SLC10A7: variants seen among roughly 807,000 people sequenced by gnomAD.
SLC10A7 encodes solute carrier family 10 member 7, also known as sodium/bile acid cotransporter 7.
Under a neutral mutation model 43.2 loss-of-function variants are expected in SLC10A7, and 29 were observed. The ratio of observed to expected loss-of-function variants is 0.67; its 90% confidence interval spans 0.50 to 0.92. The LOEUF is 0.92. SLC10A7 is among the 40% of genes least tolerant of loss of function. The probability of loss-of-function intolerance (pLI) is 0.00; values close to 1 mark genes in which losing one functional copy is unlikely to be tolerated. For missense variants in SLC10A7, 295 were observed against 403.2 expected (o/e 0.73, Z 2.30); for synonymous variants, 152 against 144.8 (o/e 1.05, Z -0.35).
chr4:146,279,246 C>T (rs867472107), intron 10 of SLC10A7, among the ~76,000 whole-genome samples: 1 of 152,144 alleles, frequency 6.6e-6, no homozygotes, highest in Non-Finnish European at 1.5e-5. Flanking sequence ...AACTTAAGGA[C>T]CTCAAATGTC....
At chr4:146,458,645 G>A (rs1262308117) in intron 4 of SLC10A7, among the ~76,000 whole-genome samples, 2 of 151,794 alleles carry the variant, frequency 1.3e-5, no homozygotes, top group African/African-American at 4.8e-5. Context: ...CCTATCCTCT[G>A]CTATCTGGAA....
At chr4:146,265,198 G>A (rs1372989422) in intron 10 of SLC10A7, among the ~76,000 whole-genome samples, 2 of 152,210 alleles carry the variant, frequency 1.3e-5, no homozygotes, top group African/African-American at 4.8e-5. Context: ...ATTAAAAGAT[G>A]AGGAAACTGA....
chr4:146,380,061 T>C (rs1475638092), intron 5 of SLC10A7, among the ~76,000 whole-genome samples: 1 of 151,808 alleles, frequency 6.6e-6, no homozygotes, highest in African/African-American at 2.4e-5. Flanking sequence ...CTGAGGAAAA[T>C]CTAATACCCA....
chr4:146,342,562 TTACCAGTAAATTTTAATAATAG>T (rs1170260110), intron 5 of SLC10A7, among the ~76,000 whole-genome samples: 5 of 151,686 alleles, frequency 3.3e-5, no homozygotes, highest in African/African-American at 1.2e-4. Context: ...GTGAATTTTT[TTACCAGTAAATTTTAATAATAG>T]TACTATTATT....
intron 7 of SLC10A7, 72 bp downstream of exon 7, chr4:146,305,854 C>T: frequency 7.6e-7 from 1 of 1,315,062 alleles, no homozygotes; most frequent in Non-Finnish European, 1.0e-6. Flanking sequence ...TTTCTCTCAA[C>T]TGCTCTGACA....
intron 4 of SLC10A7, among the ~76,000 whole-genome samples, chr4:146,497,025 T>G (rs1342153719): frequency 6.6e-6 from 1 of 152,228 alleles, no homozygotes; most frequent in African/African-American, 2.4e-5. Flanking sequence ...ATATGTGTTT[T>G]ACACCCTTTT....
intron 9 of SLC10A7, among the ~76,000 whole-genome samples, chr4:146,290,639 C>T (rs182871880): frequency 6.6e-5 from 10 of 152,146 alleles, no homozygotes; most frequent in African/African-American, 2.4e-4. Context: ...GTGGGAGAAT[C>T]ACTTGAGGCC....
chr4:146,392,597 T>C (rs1488501978), intron 5 of SLC10A7, among the ~76,000 whole-genome samples: 2 of 152,180 alleles, frequency 1.3e-5, no homozygotes, highest in Non-Finnish European at 2.9e-5. Flanking sequence ...ATGTCACTCA[T>C]TGTTGTCCCA....
At chr4:146,267,896 T>C (rs1340120032) in intron 10 of SLC10A7, among the ~76,000 whole-genome samples, 1 of 152,134 alleles carries the variant, frequency 6.6e-6, no homozygotes, top group Non-Finnish European at 1.5e-5. Flanking sequence ...ACAAACCCCC[T>C]TTGCTAGAGC....
chr4:146,475,540 C>T (rs1253185641), intron 4 of SLC10A7, among the ~76,000 whole-genome samples: 1 of 152,172 alleles, frequency 6.6e-6, no homozygotes, highest in Non-Finnish European at 1.5e-5. Flanking sequence ...GAGCAACATG[C>T]TACGCACTGG....
chr4:146,349,896 T>C (rs1278690185), intron 5 of SLC10A7, among the ~76,000 whole-genome samples: 1 of 152,116 alleles, frequency 6.6e-6, no homozygotes, highest in Non-Finnish European at 1.5e-5. Context: ...GCTCACTATC[T>C]GGGTAATGAG....
intron 5 of SLC10A7, among the ~76,000 whole-genome samples, chr4:146,382,821 T>A (rs1737725359): frequency 6.6e-6 from 1 of 152,098 alleles, no homozygotes; most frequent in Admixed American, 6.6e-5. Context: ...ATATCTAGTT[T>A]TGTATATGAG....
chr4:146,396,980 A>T (rs543574334), intron 5 of SLC10A7, among the ~76,000 whole-genome samples: 1 of 152,302 alleles, frequency 6.6e-6, no homozygotes, highest in African/African-American at 2.4e-5. Flanking sequence ...CGGCTTTTAC[A>T]GGCCATTAAT....
Position 146,298,226 on chromosome 4 carries a change from C to T in SLC10A7, c.556-4131G>A, listed in dbSNP as rs1295923129. 5.9e-5 allele frequency among the ~76,000 whole-genome samples: 9 copies of T among 152,070 alleles called. 1 individual carries two copies. The East Asian group carries it at 7.7e-4, about 13-fold the overall frequency. On this transcript the variant is annotated intron_variant, in intron 7 of 11. Transcript: ENST00000335472. The stretch of plus-strand genomic sequence containing the variant: ...AATAAATATAAAATGCTTTAGAGAC[C>T]GGGCCTGTCCCTGGTACATGATCAC...
chr4:146,521,291 A>C (rs1342190521), intron 1 of SLC10A7, among the ~76,000 whole-genome samples: 1 of 151,998 alleles, frequency 6.6e-6, no homozygotes, highest in African/African-American at 2.4e-5. Flanking sequence ...CGGAACTCTT[A>C]GCAACCTAGA....
At chr4:146,351,178 A>C (rs1037363851) in intron 5 of SLC10A7, among the ~76,000 whole-genome samples, 5 of 151,194 alleles carry the variant, frequency 3.3e-5, no homozygotes, top group African/African-American at 4.9e-5. Context: ...AATACAGACA[A>C]GTGCTTAAAG....
intron 10 of SLC10A7, among the ~76,000 whole-genome samples, chr4:146,279,046 G>A (rs1034931796): frequency 6.6e-6 from 1 of 152,102 alleles, no homozygotes; most frequent in African/African-American, 2.4e-5. Flanking sequence ...ATATACAGTG[G>A]ACTTTTAATA....
intron 5 of SLC10A7, among the ~76,000 whole-genome samples, chr4:146,341,356 T>C (rs1253024866): frequency 2.6e-5 from 4 of 151,708 alleles, no homozygotes; most frequent in East Asian, 1.9e-4. Flanking sequence ...TTATTAAGAA[T>C]AGGCAAAACC....
intron 4 of SLC10A7, among the ~76,000 whole-genome samples, chr4:146,484,798 C>A (rs1054665724): frequency 6.6e-6 from 1 of 151,822 alleles, no homozygotes; most frequent in Admixed American, 6.6e-5. Flanking sequence ...TGATATATCA[C>A]CACAATGAAA....
Sources: allele counts gnomAD v4.1 joint callset (sites outside exome capture counted in the v4.1 genomes callset), GRCh38; gene constraint gnomAD v4.1.1; transcripts MANE v1.5; gene names NCBI Gene and HGNC (gene_info 2026-07-23, HGNC 2026-07-21).